ARHGAP6: variants seen among roughly 807,000 people sequenced by gnomAD.
The protein encoded by ARHGAP6 is Rho GTPase activating protein 6, also known as rho GTPase-activating protein 6.
In ARHGAP6, 16 loss-of-function variants were observed where a neutral mutation model predicts 55.7. The ratio of observed to expected loss-of-function variants is 0.29; its 90% CI spans 0.19 to 0.44. The LOEUF is 0.44. Ranked by LOEUF, ARHGAP6 falls within the 20% of genes least tolerant of loss-of-function variation. ARHGAP6 has a pLI of 1.00. For synonymous variants in ARHGAP6, 382 were observed against 360.9 expected, an observed-to-expected ratio of 1.06 and a Z score of -0.66; for missense variants, 698 against 808.9, an observed-to-expected ratio of 0.86 and a Z score of 1.66.
At chrX:11,394,041 T>A (rs1219629285) in intron 1 of ARHGAP6, among the ~76,000 whole-genome samples, 1 of 111,317 alleles carries the variant, frequency 9.0e-6, no homozygotes, top group Non-Finnish European at 1.9e-5. Context: ...GGTGCCAAAA[T>A]GATAAGCGTT....
intron 1 of ARHGAP6, among the ~76,000 whole-genome samples, chrX:11,598,033 A>G (rs2051922552): frequency 1.8e-5 from 2 of 112,267 alleles, no homozygotes; most frequent in Admixed American, 1.9e-4. Context: ...CAGTCCTAAG[A>G]CTGCCACAGG....
chrX:11,176,300 CATATATATATATATATAT>C (rs59647126), intron 8 of ARHGAP6, among the ~76,000 whole-genome samples: 1,325 of 15,619 alleles, frequency 0.085, 60 homozygotes, highest in Non-Finnish European at 0.12. Flanking sequence ...TATTTGCATG[CATATATATATATATATAT>C]ATATATATAT....
chrX:11,252,702 GGCATAT>G (rs2047439747), intron 2 of ARHGAP6, among the ~76,000 whole-genome samples: 1 of 112,363 alleles, frequency 8.9e-6, no homozygotes, highest in African/African-American at 3.2e-5. Flanking sequence ...AAAGGTGCAA[GGCATAT>G]GCCAGTGAAA....
At chrX:11,457,845 C>G in intron 1 of ARHGAP6, among the ~76,000 whole-genome samples, 1 of 112,185 alleles carries the variant, frequency 8.9e-6, no homozygotes, top group Admixed American at 9.4e-5. Context: ...TTTCCCACAG[C>G]AGTAACCAAC....
intron 1 of ARHGAP6, among the ~76,000 whole-genome samples, chrX:11,577,662 A>G (rs1362630823): frequency 9.0e-6 from 1 of 111,690 alleles, no homozygotes; most frequent in African/African-American, 3.3e-5. Flanking sequence ...ATCTAATCCA[A>G]TGATATCTTT....
intron 1 of ARHGAP6, among the ~76,000 whole-genome samples, chrX:11,432,215 T>C (rs1284318016): frequency 8.9e-6 from 1 of 112,770 alleles, no homozygotes; most frequent in Non-Finnish European, 1.9e-5. Context: ...ATGTTTTTAT[T>C]ATAGCTGACT....
rs72558044 is a variant in ARHGAP6 at position 11,156,725 on chromosome X, A to G, written c.1810-99T>C. On this transcript the variant is annotated intron_variant, in intron 9 of 12. Transcript: ENST00000337414. ...ACTGTAGCACAAAACAGAGCCCTAAAAGCTGCAAGACAGCAGAATGATTTG... is the reference window on the plus strand; with the variant it reads ...ACTGTAGCACAAAACAGAGCCCTAAGAGCTGCAAGACAGCAGAATGATTTG... 171 of 620,797 alleles carry G rather than the reference A, an allele frequency of 2.8e-4. No individual in the cohort carries two copies. In the Admixed American group the frequency reaches 5.3e-3, roughly 19 times the overall value. The allele number at this position is 620,797 out of a possible 1,213,427, so 51.2% of individuals were successfully genotyped here.
chrX:11,252,539 C>A (rs1341196411), intron 2 of ARHGAP6, among the ~76,000 whole-genome samples: 4 of 112,092 alleles, frequency 3.6e-5, no homozygotes, highest in African/African-American at 1.3e-4. Context: ...CACTAGTATT[C>A]ATTTTTCACA....
intron 1 of ARHGAP6, among the ~76,000 whole-genome samples, chrX:11,607,666 G>A (rs1054710404): frequency 1.8e-5 from 2 of 112,317 alleles, no homozygotes; most frequent in South Asian, 3.7e-4. Flanking sequence ...TAAAATAGCC[G>A]TGAAGGAATG....
At chrX:11,209,355 G>T (rs887687095) in intron 2 of ARHGAP6, among the ~76,000 whole-genome samples, 3 of 111,581 alleles carry the variant, frequency 2.7e-5, no homozygotes, top group African/African-American at 9.8e-5. Context: ...ATGTTGGCCA[G>T]GCTGGTCTCA....
intron 1 of ARHGAP6, among the ~76,000 whole-genome samples, chrX:11,493,024 C>G (rs754320671): frequency 8.9e-6 from 1 of 112,209 alleles, no homozygotes; most frequent in South Asian, 3.7e-4. Flanking sequence ...GGGTCCCCAG[C>G]TGACTGCCTG....
intron 8 of ARHGAP6, among the ~76,000 whole-genome samples, chrX:11,172,855 AT>A (rs991762623): frequency 9.0e-6 from 1 of 111,536 alleles, no homozygotes; most frequent in East Asian, 2.8e-4. Flanking sequence ...CCATTACTTC[AT>A]TTTTTAATTA....
Position 11,169,661 on chromosome X carries a change from A to AGAT in ARHGAP6, c.1650_1652dup (p.Ser551dup). The stretch of plus-strand genomic sequence containing the variant: ...GTCCAAATATGGTGGCTAAGTTTAG[A>AGAT]GATGTCATTTTATTCCCAGTGACCT... On this transcript the variant is annotated inframe_insertion, in exon 9 of 13. Transcript: ENST00000337414. 1 of 1,200,120 alleles carries AGAT rather than the reference A, an allele frequency of 8.3e-7. No homozygotes were observed. Among genetic ancestry groups the AGAT allele is most frequent in the Non-Finnish European group, 1.1e-6 (1 of 889,891 alleles).
intron 1 of ARHGAP6, among the ~76,000 whole-genome samples, chrX:11,397,678 C>T (rs1449427584): frequency 1.8e-5 from 2 of 111,513 alleles, no homozygotes; most frequent in African/African-American, 3.3e-5. Context: ...CAGGATGAGA[C>T]CAACCCAGGC....
chrX:11,253,425 C>A (rs1464243025), intron 2 of ARHGAP6, among the ~76,000 whole-genome samples: 1 of 111,236 alleles, frequency 9.0e-6, no homozygotes, highest in Non-Finnish European at 1.9e-5. Flanking sequence ...TTGCAGATAC[C>A]AAAATCCTCC....
intron 1 of ARHGAP6, among the ~76,000 whole-genome samples, chrX:11,631,062 A>T (rs1406950869): frequency 9.0e-6 from 1 of 110,957 alleles, no homozygotes; most frequent in African/African-American, 3.3e-5. Flanking sequence ...ATGCCAAAGG[A>T]CATGTCACTC....
intron 1 of ARHGAP6, among the ~76,000 whole-genome samples, chrX:11,497,559 T>TCTCTC (rs2050635811): frequency 1.7e-4 from 7 of 41,141 alleles, no homozygotes; most frequent in Non-Finnish European, 3.0e-4. Context: ...CCCTCCCTCC[T>TCTCTC]TCTCTCTCTC....
chrX:11,407,357 C>G (rs916456754), intron 1 of ARHGAP6, among the ~76,000 whole-genome samples: 10 of 112,342 alleles, frequency 8.9e-5, no homozygotes, highest in Middle Eastern at 4.6e-3. Flanking sequence ...GAATAATATT[C>G]TCTTGTATGG....
At chrX:11,325,013 C>T (rs956273854) in intron 1 of ARHGAP6, among the ~76,000 whole-genome samples, 2 of 110,854 alleles carry the variant, frequency 1.8e-5, no homozygotes, top group South Asian at 3.9e-4. Context: ...CGCCCGCCAC[C>T]GCGCCCGGCT....
Sources: allele counts gnomAD v4.1 joint callset (sites outside exome capture counted in the v4.1 genomes callset), GRCh38; gene constraint gnomAD v4.1.1; transcripts MANE v1.5; gene names NCBI Gene and HGNC (gene_info 2026-07-23, HGNC 2026-07-21).